MAPRE2: variants seen among roughly 807,000 people sequenced by gnomAD.
MAPRE2 encodes microtubule-associated protein RP/EB family member 2.
In MAPRE2, 13 loss-of-function variants were observed where a neutral mutation model predicts 43.2. That is an observed-to-expected ratio of 0.30 (90% CI 0.20 to 0.48). The LOEUF (loss-of-function observed/expected upper bound fraction) is 0.48. MAPRE2 is among the 20% of genes least tolerant of loss of function. MAPRE2 has a pLI of 0.99. For synonymous variants in MAPRE2, 135 were observed against 148.8 expected (o/e 0.91, Z 0.68); for missense variants, 161 against 400.2 (o/e 0.40, Z 5.10).
chr18:35,041,299 A>T, upstream of MAPRE2: 1 of 1,404,172 alleles, frequency 7.1e-7, no homozygotes, highest in Non-Finnish European at 9.3e-7. Context: ...GTGATGAGTT[A>T]GCGGGTTGCC....
At chr18:35,098,393 A>G (rs556818620) in intron 3 of MAPRE2, among the ~76,000 whole-genome samples, 1 of 152,360 alleles carries the variant, frequency 6.6e-6, no homozygotes, top group East Asian at 1.9e-4. Flanking sequence ...TAAATAGGCT[A>G]TGGAAATGAA....
chr18:34,983,484 A>T (rs1254540735), intron 1 of MAPRE2, among the ~76,000 whole-genome samples: 1 of 152,150 alleles, frequency 6.6e-6, no homozygotes. Context: ...GGGCCTTCCT[A>T]TGCTTATTTT....
intron 5 of MAPRE2, 158 bp from the exon 6 acceptor site, chr18:35,131,874 T>C: frequency 1.4e-6 from 1 of 697,588 alleles, no homozygotes; most frequent in Non-Finnish European, 2.4e-6. Flanking sequence ...AGGGTCAAGC[T>C]CCAGACAACA....
chr18:34,988,411 G>A (rs1425139346), intron 1 of MAPRE2, among the ~76,000 whole-genome samples: 1 of 152,270 alleles, frequency 6.6e-6, no homozygotes, highest in South Asian at 2.1e-4. Context: ...CTAACTGGGT[G>A]ACTTTAGAGA....
At chr18:35,081,542 A>T (rs1907630704) in intron 2 of MAPRE2, among the ~76,000 whole-genome samples, 1 of 152,058 alleles carries the variant, frequency 6.6e-6, no homozygotes. Context: ...GCTGCCGGGG[A>T]AGGAGCATCC....
Position 35,051,957 on chromosome 18 carries a change from A to G in MAPRE2, c.122+10296A>G, listed in dbSNP as rs185672377. Among the ~76,000 whole-genome samples the G allele has an allele frequency of 4.3e-3, 658 of 152,286 alleles. 3 individuals are homozygous for G. The highest frequency in any genetic ancestry group is 6.8e-3 in the Middle Eastern group (2 of 294). On this transcript the variant is annotated intron_variant, in intron 1 of 6. Transcript: ENST00000300249. ...TTACCCTGTATTGATAAAAATCTATAATCTTTTTGTTCTAAGTACCCTGTA... is the reference window on the plus strand; with the variant it reads ...TTACCCTGTATTGATAAAAATCTATGATCTTTTTGTTCTAAGTACCCTGTA...
chr18:35,133,072 G>A (rs922540159), intron 6 of MAPRE2, among the ~76,000 whole-genome samples: 1 of 152,290 alleles, frequency 6.6e-6, no homozygotes, highest in South Asian at 2.1e-4. Context: ...GATGTTCTGA[G>A]GGCCTCCAGT....
Position 35,141,960 on chromosome 18 carries a change from C to CA in MAPRE2, c.*1594dup, listed in dbSNP as rs1910668398. ...TCTCTCCAAAATAAATCTTTTGCAGCAAAGTGATATTTATTGAGTTATGTG... is the reference window on the plus strand; with the variant it reads ...TCTCTCCAAAATAAATCTTTTGCAGCAAAAGTGATATTTATTGAGTTATGTG... On this transcript the variant is annotated 3_prime_UTR_variant, in exon 7 of 7. Coordinates refer to ENST00000300249, the MANE Select transcript of MAPRE2 (RefSeq NM_014268.4). The CA allele has an allele frequency of 6.6e-6, 1 of 152,216 alleles. No individual in the cohort carries two copies. The highest frequency in any genetic ancestry group is 2.4e-5 in the African/African-American group (1 of 41,458). The allele number at this position is 152,216 out of a possible 1,614,324, so 9.4% of individuals were successfully genotyped here.
At chr18:35,101,072 A>G (rs958999135) in intron 3 of MAPRE2, among the ~76,000 whole-genome samples, 2 of 152,208 alleles carry the variant, frequency 1.3e-5, no homozygotes, top group Non-Finnish European at 2.9e-5. Flanking sequence ...AAAGCTTATC[A>G]GTCTTGAAAT....
chr18:35,037,571 G>C (rs551691915), upstream of MAPRE2, among the ~76,000 whole-genome samples: 1 of 152,270 alleles, frequency 6.6e-6, no homozygotes, highest in South Asian at 2.1e-4. Context: ...CTTTATTTTA[G>C]ATATGCCAGC....
At chr18:35,063,313 T>C (rs1157347602) in intron 1 of MAPRE2, among the ~76,000 whole-genome samples, 2 of 152,054 alleles carry the variant, frequency 1.3e-5, no homozygotes, top group African/African-American at 2.4e-5. Context: ...TTCACCGTGT[T>C]AGCCAGGATG....
chr18:35,056,051 A>G (rs1435226559), intron 1 of MAPRE2, among the ~76,000 whole-genome samples: 1 of 151,546 alleles, frequency 6.6e-6, no homozygotes, highest in Non-Finnish European at 1.5e-5. Flanking sequence ...TTTTATCTGT[A>G]TTTTCTGCAT....
At chr18:35,040,661 G>A (rs569408280), upstream of MAPRE2, among the ~76,000 whole-genome samples, 1 of 152,310 alleles carries the variant, frequency 6.6e-6, no homozygotes, top group African/African-American at 2.4e-5. Context: ...TAGAATAAAT[G>A]TCAATGAATT....
intron 4 of MAPRE2, among the ~76,000 whole-genome samples, chr18:35,116,780 C>T (rs375920339): frequency 2.0e-5 from 3 of 152,148 alleles, no homozygotes; most frequent in African/African-American, 7.2e-5. Context: ...TTACCTTTGC[C>T]ATGTTCTGTG....
At chr18:35,133,033 G>A (rs1250144026) in intron 6 of MAPRE2, among the ~76,000 whole-genome samples, 1 of 152,188 alleles carries the variant, frequency 6.6e-6, no homozygotes, top group Non-Finnish European at 1.5e-5. Context: ...TAGTGGAAGT[G>A]TCCCGGTCTC....
upstream of MAPRE2, among the ~76,000 whole-genome samples, chr18:35,040,434 T>A (rs1462679805): frequency 6.6e-6 from 1 of 152,236 alleles, no homozygotes; most frequent in Admixed American, 6.5e-5. Flanking sequence ...GATAAAACCA[T>A]GTCACTTGGA....
intron 2 of MAPRE2, among the ~76,000 whole-genome samples, chr18:35,007,944 T>C (rs991190870): frequency 3.3e-5 from 5 of 152,162 alleles, no homozygotes; most frequent in Non-Finnish European, 7.3e-5. Flanking sequence ...CAGCTTTTCA[T>C]ATTGCTGGAT....
chr18:34,980,031 C>CTTTTTTTTTTTTTTTTTTTTTTT (rs796434537), intron 1 of MAPRE2, among the ~76,000 whole-genome samples: 7 of 46,128 alleles, frequency 1.5e-4, no homozygotes, highest in African/African-American at 3.3e-4. Context: ...TTCTTTTTTT[C>CTTTTTTTTTTTTTTTTTTTTTTT]TTTTTTTTTT....
chr18:35,063,204 C>T (rs1470285577), intron 1 of MAPRE2, among the ~76,000 whole-genome samples: 1 of 151,938 alleles, frequency 6.6e-6, no homozygotes, highest in South Asian at 2.1e-4. Context: ...CCTGGGTTCA[C>T]GCCATTCTCC....
Sources: gnomAD v4.1 joint callset for allele counts (sites outside exome capture counted in the v4.1 genomes callset) on GRCh38, gnomAD v4.1.1 for gene constraint, MANE v1.5 for transcripts, NCBI Gene and HGNC (gene_info 2026-07-23, HGNC 2026-07-21) for gene names.